NPAS3: variants seen among roughly 807,000 people sequenced by gnomAD.
NPAS3 encodes the protein neuronal PAS domain protein 3, also known as neuronal PAS domain-containing protein 3.
Under a neutral mutation model 73.1 loss-of-function variants are expected in NPAS3, and 14 were observed. The observed-to-expected ratio is 0.19, with a 90% confidence interval of 0.13 to 0.30. The LOEUF is 0.30. NPAS3 is among the 10% of genes least tolerant of loss of function. NPAS3 has a pLI of 1.00. For synonymous variants in NPAS3, 620 were observed against 541.5 expected, an observed-to-expected ratio of 1.14 and a Z score of -2.01; for missense variants, 1,096 against 1,250.0, an observed-to-expected ratio of 0.88 and a Z score of 1.86.
downstream of NPAS3, chr14:33,801,162 G>A: frequency 2.6e-6 from 4 of 1,532,628 alleles, no homozygotes; most frequent in Non-Finnish European, 2.6e-6. Context: ...GGCATCGTCG[G>A]CATTTTCGTT....
intron 5 of NPAS3, among the ~76,000 whole-genome samples, chr14:33,563,024 A>G (rs2055729383): frequency 1.3e-5 from 2 of 151,962 alleles, no homozygotes. Context: ...AAAGTTATGG[A>G]CCCTCCTTTC....
intron 3 of NPAS3, among the ~76,000 whole-genome samples, chr14:33,221,726 A>G (rs1018400944): frequency 6.6e-6 from 1 of 151,986 alleles, no homozygotes; most frequent in Admixed American, 6.6e-5. Flanking sequence ...AGATTAATCA[A>G]CCTCTTTCTA....
At chr14:33,393,881 C>G (rs1385796985) in intron 4 of NPAS3, among the ~76,000 whole-genome samples, 1 of 152,174 alleles carries the variant, frequency 6.6e-6, no homozygotes, top group African/African-American at 2.4e-5. Flanking sequence ...ATCTTTGCGA[C>G]TATAGTCAAG....
rs553663860 is a variant in NPAS3, at chr14:33,542,136, G to T, written c.469-17985G>T. Among the ~76,000 whole-genome samples the T allele has an allele frequency of 2.6e-5, 4 of 152,212 alleles. No homozygotes were observed. The South Asian group carries it at 8.3e-4, about 32-fold the overall frequency. On this transcript the variant is annotated intron_variant, in intron 4 of 11. Transcript: ENST00000356141. ...TTTTGCTGGCCAGAAACTCTTCATG[G>T]CTTTCTCCTGACAACTTTAGAACAC...
At chr14:33,498,941 T>A (rs879729450) in intron 4 of NPAS3, among the ~76,000 whole-genome samples, 2,382 of 100,118 alleles carry the variant, frequency 0.024, 22 homozygotes, top group African/African-American at 0.054. Context: ...AGAGAGTGTG[T>A]GTGTGTGTGT....
At chr14:33,746,808 T>G (rs1196774069) in intron 7 of NPAS3, among the ~76,000 whole-genome samples, 1 of 152,100 alleles carries the variant, frequency 6.6e-6, no homozygotes, top group Non-Finnish European at 1.5e-5. Flanking sequence ...GTTAGTTACA[T>G]ATGTATACAT....
chr14:32,950,203 A>C (rs2139133328), intron 1 of NPAS3, among the ~76,000 whole-genome samples: 1 of 152,202 alleles, frequency 6.6e-6, no homozygotes, highest in East Asian at 1.9e-4. Context: ...AAAATTAATG[A>C]GAATGATAAT....
chr14:33,355,462 G>A (rs943226206), intron 3 of NPAS3, among the ~76,000 whole-genome samples: 8 of 152,000 alleles, frequency 5.3e-5, no homozygotes, highest in Admixed American at 2.0e-4. Flanking sequence ...CATCATGCCC[G>A]GCTAATTTTT....
At chr14:33,776,836 G>T (rs761396982) in intron 8 of NPAS3, among the ~76,000 whole-genome samples, 7 of 151,936 alleles carry the variant, frequency 4.6e-5, no homozygotes, top group Non-Finnish European at 1.0e-4. Flanking sequence ...CAACTGGTCT[G>T]GTGCTTTTGA....
At chr14:33,718,292 C>T (rs747315749) in intron 6 of NPAS3, among the ~76,000 whole-genome samples, 2 of 151,548 alleles carry the variant, frequency 1.3e-5, no homozygotes, top group Non-Finnish European at 1.5e-5. Context: ...TTATCTTGTC[C>T]GTCTTCTCTA....
At chr14:33,612,588 G>A (rs560460749) in intron 5 of NPAS3, 190 of 442,180 alleles carry the variant, frequency 4.3e-4, no homozygotes, top group African/African-American at 2.5e-3. Flanking sequence ...TGCTTTTAAA[G>A]ATCTTTGTAT....
At chr14:33,120,984 C>T (rs946633584) in intron 2 of NPAS3, among the ~76,000 whole-genome samples, 3 of 152,102 alleles carry the variant, frequency 2.0e-5, no homozygotes, top group African/African-American at 7.2e-5. Flanking sequence ...GTGATAATTA[C>T]TGCCAAAATT....
At chr14:33,298,238 G>C (rs368995933) in intron 3 of NPAS3, among the ~76,000 whole-genome samples, 1 of 152,110 alleles carries the variant, frequency 6.6e-6, no homozygotes, top group Non-Finnish European at 1.5e-5. Context: ...AGCCAAGATC[G>C]TACCACCGCG....
At chr14:33,417,687 A>T (rs1446309435) in intron 4 of NPAS3, among the ~76,000 whole-genome samples, 1 of 152,020 alleles carries the variant, frequency 6.6e-6, no homozygotes, top group Non-Finnish European at 1.5e-5. Context: ...TTGTCATCTA[A>T]AATAGCATCT....
At chr14:32,946,043 GT>G (rs1267734081) in intron 1 of NPAS3, among the ~76,000 whole-genome samples, 3 of 152,074 alleles carry the variant, frequency 2.0e-5, no homozygotes, top group African/African-American at 7.2e-5. Flanking sequence ...TTTGCCACTG[GT>G]TGTGTAAAAA....
chr14:33,250,418 T>A (rs977545417), intron 3 of NPAS3, among the ~76,000 whole-genome samples: 12 of 152,092 alleles, frequency 7.9e-5, no homozygotes, highest in African/African-American at 2.9e-4. Context: ...GCAATAAAGT[T>A]GTAATAGGGT....
chr14:33,403,812 TTCTCTCTC>T (rs375753954), intron 4 of NPAS3, among the ~76,000 whole-genome samples: 1 of 149,426 alleles, frequency 6.7e-6, no homozygotes, highest in East Asian at 2.0e-4. Context: ...CTGATGCCCT[TTCTCTCTC>T]TCTCTCTCTC....
intron 3 of NPAS3, among the ~76,000 whole-genome samples, chr14:33,306,676 G>A (rs1210299478): frequency 1.3e-5 from 2 of 152,108 alleles, no homozygotes; most frequent in Non-Finnish European, 2.9e-5. Context: ...TACTAAAGTA[G>A]GTTATTTTCT....
chr14:33,082,952 C>T (rs1260223698), intron 2 of NPAS3, among the ~76,000 whole-genome samples: 1 of 151,978 alleles, frequency 6.6e-6, no homozygotes, highest in East Asian at 1.9e-4. Context: ...CTGAGATAGG[C>T]AGATCATCAC....
Sources: allele counts gnomAD v4.1 joint callset (sites outside exome capture counted in the v4.1 genomes callset), GRCh38; gene constraint gnomAD v4.1.1; transcripts MANE v1.5; gene names NCBI Gene and HGNC (gene_info 2026-07-23, HGNC 2026-07-21).